RNF128: variants seen among roughly 807,000 people sequenced by gnomAD.
The protein encoded by RNF128 is ring finger protein 128.
RNF128 carries 13 observed loss-of-function variants against 26.2 expected under a neutral mutation model. That is an observed-to-expected ratio of 0.50 (90% CI 0.32 to 0.79). The LOEUF is 0.79. RNF128 is among the 30% of genes least tolerant of loss of function. The probability of loss-of-function intolerance (pLI) is 0.03; values close to 1 mark genes in which losing one functional copy is unlikely to be tolerated. For missense variants in RNF128, 315 were observed against 349.7 expected (o/e 0.90, Z 0.79); for synonymous variants, 149 against 142.5 (o/e 1.05, Z -0.32).
chrX:106,791,022 C>T (rs759282079), intron 5 of RNF128, 44 bp from the exon 6 acceptor site: 8 of 1,138,389 alleles, frequency 7.0e-6, no homozygotes, highest in East Asian at 3.0e-5. Context: ...CGAGGAAAAG[C>T]GTGTACACTG....
chrX:106,694,284 G>A, exon 1 of RNF128: 1 of 1,210,558 alleles, frequency 8.3e-7, no homozygotes, highest in Non-Finnish European at 1.1e-6. Context: ...GGATTGCGCT[G>A]ATAGAAAGAG....
intron 4 of RNF128, among the ~76,000 whole-genome samples, chrX:106,788,503 T>C (rs1602393081): frequency 1.8e-5 from 1 of 56,195 alleles, no homozygotes; most frequent in Non-Finnish European, 2.9e-5. Flanking sequence ...TATAATTATA[T>C]AATTATAATT....
intron 1 of RNF128, among the ~76,000 whole-genome samples, chrX:106,733,480 A>G (rs1375571119): frequency 1.8e-5 from 2 of 111,682 alleles, no homozygotes; most frequent in African/African-American, 6.5e-5. Flanking sequence ...TGAAAAATAC[A>G]GAAAAGTGTA....
chrX:106,705,088 T>G (rs1333635567), intron 1 of RNF128, among the ~76,000 whole-genome samples: 1 of 111,386 alleles, frequency 9.0e-6, no homozygotes, highest in East Asian at 2.8e-4. Context: ...TGTCAATGTT[T>G]GGGCAGGGAG....
intron 6 of RNF128, among the ~76,000 whole-genome samples, chrX:106,794,597 G>A (rs968475789): frequency 7.2e-5 from 8 of 110,958 alleles, no homozygotes; most frequent in African/African-American, 2.3e-4. Flanking sequence ...CTGGAGAATA[G>A]TATTTCAAAA....
At chrX:106,694,356 G>A (rs762522478) in exon 1 of RNF128, 4 of 1,206,801 alleles carry the variant, frequency 3.3e-6, no homozygotes, top group Non-Finnish European at 4.5e-6. Context: ...ATGCTGTTGT[G>A]ATTTACAATG....
chrX:106,745,583 C>G (rs973114895), intron 1 of RNF128, among the ~76,000 whole-genome samples: 2 of 111,836 alleles, frequency 1.8e-5, no homozygotes, highest in East Asian at 2.8e-4. Flanking sequence ...GTATGCACTA[C>G]TGATTTTGTC....
chrX:106,759,000 C>A (rs1930073658), intron 1 of RNF128, among the ~76,000 whole-genome samples: 1 of 111,271 alleles, frequency 9.0e-6, no homozygotes, highest in Admixed American at 9.6e-5. Context: ...AAGAGACTAC[C>A]CATAGAATGG....
At chrX:106,722,910 G>A (rs370439617), upstream of RNF128, among the ~76,000 whole-genome samples, 1 of 110,781 alleles carries the variant, frequency 9.0e-6, no homozygotes, top group Non-Finnish European at 1.9e-5. Context: ...AATGACTCAC[G>A]TTATCAAGCT....
intron 1 of RNF128, among the ~76,000 whole-genome samples, chrX:106,719,534 A>G (rs1489490385): frequency 1.8e-5 from 2 of 111,516 alleles, no homozygotes; most frequent in Non-Finnish European, 3.8e-5. Context: ...GGCACTTTTA[A>G]TAACTTAATT....
At chrX:106,762,805 A>T (rs1217189916) in intron 1 of RNF128, among the ~76,000 whole-genome samples, 4 of 110,301 alleles carry the variant, frequency 3.6e-5, no homozygotes. Context: ...CTTATGTATA[A>T]GTGGGAGCTA....
chrX:106,748,018 C>T (rs774263738), intron 1 of RNF128, among the ~76,000 whole-genome samples: 2 of 112,095 alleles, frequency 1.8e-5, no homozygotes, highest in East Asian at 5.6e-4. Context: ...AGAGTACTGT[C>T]TGTCTTCTGT....
At chrX:106,717,683 T>C (rs1929241523) in intron 1 of RNF128, among the ~76,000 whole-genome samples, 2 of 112,266 alleles carry the variant, frequency 1.8e-5, no homozygotes, top group South Asian at 7.4e-4. Context: ...ATAATACCTC[T>C]ATGCCCAATG....
chrX:106,759,453 A>G (rs1276348463), intron 1 of RNF128, among the ~76,000 whole-genome samples: 1 of 111,491 alleles, frequency 9.0e-6, no homozygotes, highest in South Asian at 3.8e-4. Context: ...AAAGAAAGGA[A>G]ATCAGGATAT....
intron 2 of RNF128, 99 bp downstream of exon 2, chrX:106,773,259 G>C: frequency 1.2e-6 from 1 of 837,155 alleles, no homozygotes; most frequent in Non-Finnish European, 1.7e-6. Flanking sequence ...GCTAGACAAT[G>C]ATCTCCCCAT....
intron 1 of RNF128, among the ~76,000 whole-genome samples, chrX:106,747,274 T>G (rs1358670352): frequency 9.0e-6 from 1 of 111,667 alleles, no homozygotes; most frequent in Non-Finnish European, 1.9e-5. Context: ...AAGTACAGAT[T>G]TAGAAAGATT....
intron 3 of RNF128, among the ~76,000 whole-genome samples, chrX:106,787,324 C>G (rs747601804): frequency 3.6e-5 from 4 of 111,205 alleles, no homozygotes; most frequent in Admixed American, 1.9e-4. Context: ...ATGCATTATA[C>G]TAAGTTTAAA....
intron 1 of RNF128, among the ~76,000 whole-genome samples, chrX:106,714,565 T>C (rs1929182428): frequency 9.0e-6 from 1 of 111,150 alleles, no homozygotes; most frequent in Non-Finnish European, 1.9e-5. Context: ...ATTTCACTAG[T>C]TTTACATGCA....
intron 1 of RNF128, among the ~76,000 whole-genome samples, chrX:106,738,465 T>A (rs1929637896): frequency 2.7e-5 from 3 of 111,546 alleles, no homozygotes; most frequent in Admixed American, 1.9e-4. Context: ...AAACGGAACA[T>A]CCATATTGCA....
Sources: allele counts gnomAD v4.1 joint callset (sites outside exome capture counted in the v4.1 genomes callset), GRCh38; gene constraint gnomAD v4.1.1; transcripts MANE v1.5; gene names NCBI Gene and HGNC (gene_info 2026-07-23, HGNC 2026-07-21).